RFX3: variants seen among roughly 807,000 people sequenced by gnomAD.
RFX3 encodes transcription factor RFX3.
RFX3 carries 14 observed loss-of-function variants against 98.6 expected under a neutral mutation model. The ratio of observed to expected loss-of-function variants is 0.14; its 90% CI spans 0.09 to 0.22. The LOEUF is 0.22. Among genes scored for constraint, RFX3 ranks in the 10% least tolerant of loss-of-function variants. The pLI, the probability that RFX3 is intolerant of heterozygous loss-of-function variation, is 1.00. For missense variants in RFX3, 639 were observed against 926.9 expected (o/e 0.69, Z 4.03); for synonymous variants, 383 against 328.4 (o/e 1.17, Z -1.80).
intron 2 of RFX3, among the ~76,000 whole-genome samples, chr9:3,393,234 G>C (rs1182058532): frequency 6.6e-6 from 1 of 152,156 alleles, no homozygotes; most frequent in African/African-American, 2.4e-5. Flanking sequence ...CAATGTAGTT[G>C]CCTATGAGGA....
intron 1 of RFX3, among the ~76,000 whole-genome samples, chr9:3,424,982 C>G (rs1843869615): frequency 6.6e-6 from 1 of 152,132 alleles, no homozygotes; most frequent in African/African-American, 2.4e-5. Flanking sequence ...GTAATCCCAG[C>G]ACTTTGGGAG....
chr9:3,506,220 A>T (rs573209391), intron 1 of RFX3, among the ~76,000 whole-genome samples: 1,806 of 150,576 alleles, frequency 0.012, 26 homozygotes, highest in African/African-American at 0.04. Context: ...TTTTTTTTTA[A>T]AAAAAAAGGT....
At chr9:3,343,288 T>G (rs1253078318) in intron 3 of RFX3, among the ~76,000 whole-genome samples, 1 of 152,140 alleles carries the variant, frequency 6.6e-6, no homozygotes, top group African/African-American at 2.4e-5. Flanking sequence ...CAAAAGTTCA[T>G]GATAAAGATC....
intron 1 of RFX3, chr9:3,488,867 C>G: frequency 1.0e-6 from 1 of 984,736 alleles, no homozygotes; most frequent in Non-Finnish European, 1.2e-6. Context: ...TTTATCTTCC[C>G]AAAGAAACTA....
At chr9:3,506,464 G>A (rs1246499987) in intron 1 of RFX3, among the ~76,000 whole-genome samples, 2 of 151,720 alleles carry the variant, frequency 1.3e-5, no homozygotes, top group Non-Finnish European at 2.9e-5. Flanking sequence ...CCCAAAGTTT[G>A]GGATATTCAA....
intron 3 of RFX3, among the ~76,000 whole-genome samples, chr9:3,342,281 C>T (rs1327421288): frequency 6.6e-6 from 1 of 152,060 alleles, no homozygotes; most frequent in Non-Finnish European, 1.5e-5. Context: ...AAAAGGGTAA[C>T]AGGAATTGAG....
At chr9:3,418,949 T>C (rs553517715) in intron 1 of RFX3, among the ~76,000 whole-genome samples, 132 of 152,312 alleles carry the variant, frequency 8.7e-4, no homozygotes, top group Non-Finnish European at 1.6e-3. Context: ...CATGAGATGA[T>C]AGAAAAGTTA....
chr9:3,406,100 G>T (rs1037626106), intron 1 of RFX3, among the ~76,000 whole-genome samples: 2 of 151,966 alleles, frequency 1.3e-5, no homozygotes, highest in Non-Finnish European at 2.9e-5. Context: ...GGGACCATGT[G>T]CACATGCCAC....
intron 11 of RFX3, among the ~76,000 whole-genome samples, chr9:3,267,446 A>C (rs1186498231): frequency 6.6e-6 from 1 of 151,938 alleles, no homozygotes; most frequent in African/African-American, 2.4e-5. Context: ...TTCTGTTAAA[A>C]CCAGGTTTTA....
chr9:3,354,054 C>A (rs1335772662), intron 2 of RFX3, among the ~76,000 whole-genome samples: 1 of 151,894 alleles, frequency 6.6e-6, no homozygotes, highest in Non-Finnish European at 1.5e-5. Context: ...GGATTAAAAG[C>A]AGACAATACA....
At chr9:3,270,614 A>G (rs991287268) in intron 10 of RFX3, 89 bp from the exon 11 acceptor site, 1 of 1,312,056 alleles carries the variant, frequency 7.6e-7, no homozygotes, top group African/African-American at 1.5e-5. Flanking sequence ...TTTACCAAAT[A>G]TTACTGAGGT....
Position 3,270,456 on chromosome 9 carries a change from G to T in RFX3, c.1272C>A (p.Ile424=). 2 of 1,613,768 alleles carry T rather than the reference G, an allele frequency of 1.2e-6. No homozygotes were observed. The highest frequency in any genetic ancestry group is 1.7e-6 in the Non-Finnish European group (2 of 1,179,778). ...GGTCACAGTTACACATCCATTTCAG[G>T]ATAGACTCATGTTTGCACAGAGTTA... ...KLITLCKHES[I]LKWMCNCDHG... is the part of the protein sequence containing the mutation. Residue 424 remains isoleucine, a synonymous_variant, in exon 11 of 17, where the codon ATC becomes ATA. Coordinates refer to ENST00000617270, the MANE Select transcript of RFX3 (RefSeq NM_001282116.2).
Position 3,326,204 on chromosome 9 carries a change from C to T in RFX3, c.474+4055G>A, listed in dbSNP as rs148102087. Among the ~76,000 whole-genome samples the T allele has an allele frequency of 6.1e-3, 925 of 151,926 alleles. 3 individuals carry two copies. Among genetic ancestry groups the T allele is most frequent in the Non-Finnish European group, 9.8e-3 (668 of 67,956 alleles). ...TATATATAATTATACACACATGGAC[C>T]ATATAAAAGGAAACAGTAAATCAAA... is the stretch of plus-strand genomic sequence containing the variant. On this transcript the variant is annotated intron_variant, in intron 4 of 16. Transcript: ENST00000617270.
chr9:3,344,623 A>G (rs1834238713), intron 3 of RFX3: 2 of 548,626 alleles, frequency 3.6e-6, no homozygotes, highest in African/African-American at 1.9e-5. Context: ...CCCTTGTCAC[A>G]TTCTACCACA....
chr9:3,274,205 C>G (rs576301508), intron 9 of RFX3, among the ~76,000 whole-genome samples: 1 of 152,158 alleles, frequency 6.6e-6, no homozygotes, highest in Admixed American at 6.5e-5. Flanking sequence ...GTACCCTTGA[C>G]AAGCACTCAG....
chr9:3,380,631 T>G (rs974612365), intron 2 of RFX3, among the ~76,000 whole-genome samples: 4 of 152,208 alleles, frequency 2.6e-5, no homozygotes, highest in African/African-American at 9.7e-5. Context: ...TTAGTTCATA[T>G]CTCTAATATT....
intron 1 of RFX3, among the ~76,000 whole-genome samples, chr9:3,441,281 A>G (rs1397785626): frequency 2.0e-5 from 3 of 152,114 alleles, no homozygotes; most frequent in Non-Finnish European, 4.4e-5. Context: ...TTAGTTTAAT[A>G]TATATACAAA....
chr9:3,484,481 CAA>C (rs1850079500), intron 1 of RFX3, among the ~76,000 whole-genome samples: 1 of 152,134 alleles, frequency 6.6e-6, no homozygotes, highest in Admixed American at 6.6e-5. Context: ...CAAAATAAAA[CAA>C]AATGAGAGCT....
rs1035150810 is a variant in RFX3 at position 3,419,107 on chromosome 9, C to G, written c.-8-23511G>C. 2.0e-5 allele frequency among the ~76,000 whole-genome samples: 3 copies of G among 152,090 alleles called. No homozygotes were observed. In the East Asian group the frequency reaches 5.8e-4, roughly 29 times the overall value. ...TTTTAAATGGCTAAAGGGTAACATT[C>G]AGCAGTATAGCACTGGAACAATTTC... On this transcript the variant is annotated intron_variant, in intron 1 of 16. Coordinates refer to ENST00000617270, the MANE Select transcript of RFX3 (RefSeq NM_001282116.2).
Sources: allele counts gnomAD v4.1 joint callset (sites outside exome capture counted in the v4.1 genomes callset), GRCh38; gene constraint gnomAD v4.1.1; transcripts MANE v1.5; gene names NCBI Gene and HGNC (gene_info 2026-07-23, HGNC 2026-07-21).